MICU2: variants seen among roughly 807,000 people sequenced by gnomAD.
The protein encoded by MICU2 is calcium uptake protein 2, mitochondrial.
Under a neutral mutation model 60.4 loss-of-function variants are expected in MICU2, and 64 were observed. That is an observed-to-expected ratio of 1.06 (90% CI 0.87 to 1.31). The LOEUF is 1.31. MICU2 is among the 50% of genes most tolerant of loss of function. The probability of loss-of-function intolerance (pLI) is 0.00; values close to 1 mark genes in which losing one functional copy is unlikely to be tolerated. For missense variants in MICU2, 569 were observed against 531.0 expected (o/e 1.07, Z -0.70); for synonymous variants, 201 against 175.0 (o/e 1.15, Z -1.17).
chr13:21,545,026 T>C (rs934993327), intron 2 of MICU2, among the ~76,000 whole-genome samples: 2 of 152,012 alleles, frequency 1.3e-5, no homozygotes, highest in African/African-American at 4.8e-5. Context: ...AGTATGAAGT[T>C]CCTCACAAAA....
intron 1 of MICU2, among the ~76,000 whole-genome samples, chr13:21,597,788 G>A (rs1220267614): frequency 1.3e-5 from 2 of 151,774 alleles, no homozygotes; most frequent in African/African-American, 2.4e-5. Flanking sequence ...AAAATTAGCC[G>A]GGCGTCATGG....
rs1886706029 is a variant in MICU2 at position 21,521,112 on chromosome 13, G to C, written c.597+133C>G. The C allele has an allele frequency of 8.2e-6, 6 of 730,362 alleles. 1 individual carries two copies. The allele number at this position is 730,362 out of a possible 1,614,324, so 45.2% of individuals were successfully genotyped here. The stretch of plus-strand genomic sequence containing the variant: ...GTATTATAGAAAATTTAATATTTTT[G>C]AATGTCCAAATAATTTCCTGATAGT... On this transcript the variant is annotated intron_variant, in intron 6 of 11. Coordinates refer to ENST00000382374, the MANE Select transcript of MICU2 (RefSeq NM_152726.3).
rs180881827 is a variant in MICU2 at position 21,538,571 on chromosome 13, A to G, written c.466+731T>C. On this transcript the variant is annotated intron_variant, in intron 4 of 11. Coordinates refer to ENST00000382374, the MANE Select transcript of MICU2 (RefSeq NM_152726.3). ...GAGCAAGACCCTGTCTCAAAAAAAA[A>G]AAAAAAAAACCCCAAACAACCCACA... Among the ~76,000 whole-genome samples the G allele has an allele frequency of 3.2e-3, 480 of 151,226 alleles. 4 individuals carry two copies. The highest frequency in any genetic ancestry group is 0.011 in the African/African-American group (465 of 41,330).
rs949939020 is a variant in MICU2, at chr13:21,538,778, G to A, written c.466+524C>T. ...AGCATTCTTGGATTTTGGTATCCAA[G>A]GGGGGTCCTGGAATCAATACCCCAT... On this transcript the variant is annotated intron_variant, in intron 4 of 11. Transcript: ENST00000382374. Among the ~76,000 whole-genome samples the A allele has an allele frequency of 7.9e-5, 12 of 152,114 alleles. No individual in the cohort carries two copies. The East Asian group carries it at 2.3e-3, about 29-fold the overall frequency.
At chr13:21,535,220 A>T (rs962480521) in intron 4 of MICU2, among the ~76,000 whole-genome samples, 2 of 152,164 alleles carry the variant, frequency 1.3e-5, no homozygotes, top group Admixed American at 6.5e-5. Context: ...CATTATATTT[A>T]TGTAGAGTTT....
In MICU2 at chr13:21,600,251, T is replaced by C. The variant is rs114067084; in HGVS notation, c.210+3688A>G. ...CACACCCAATTTTGAACCCCATCTTTTGCAGCTCTTACTCTGCTGAGTCCA... is the reference window on the plus strand; with the variant it reads ...CACACCCAATTTTGAACCCCATCTTCTGCAGCTCTTACTCTGCTGAGTCCA... On this transcript the variant is annotated intron_variant, in intron 1 of 11. Transcript: ENST00000382374. 2.4e-3 allele frequency among the ~76,000 whole-genome samples: 363 copies of C among 152,302 alleles called. 3 individuals are homozygous for C. Among genetic ancestry groups the C allele is most frequent in the African/African-American group, 7.9e-3 (330 of 41,560 alleles).
intron 1 of MICU2, among the ~76,000 whole-genome samples, chr13:21,582,257 GCTTT>G (rs1298447531): frequency 3.3e-5 from 5 of 152,028 alleles, no homozygotes; most frequent in African/African-American, 1.2e-4. Flanking sequence ...GCACTAAATA[GCTTT>G]ATTTCTATAA....
chr13:21,572,843 A>G (rs568667037), intron 1 of MICU2, among the ~76,000 whole-genome samples: 2 of 152,330 alleles, frequency 1.3e-5, no homozygotes, highest in African/African-American at 4.8e-5. Flanking sequence ...CCAGGTCTAT[A>G]CATGGTGATG....
chr13:21,588,419 T>G (rs967468239), intron 1 of MICU2, among the ~76,000 whole-genome samples: 8 of 152,130 alleles, frequency 5.3e-5, no homozygotes, highest in African/African-American at 1.9e-4. Flanking sequence ...CAGCCTCAAG[T>G]AATAAGTCAT....
At chr13:21,600,426 C>T (rs543943498) in intron 1 of MICU2, among the ~76,000 whole-genome samples, 2 of 152,284 alleles carry the variant, frequency 1.3e-5, no homozygotes, top group Admixed American at 6.5e-5. Flanking sequence ...TACTCTTCCA[C>T]TATGCTTCCA....
At chr13:21,529,895 T>C (rs1886945385) in intron 4 of MICU2, among the ~76,000 whole-genome samples, 1 of 152,096 alleles carries the variant, frequency 6.6e-6, no homozygotes, top group Admixed American at 6.5e-5. Flanking sequence ...GTTGGAGGGA[T>C]GGAGAAGGGG....
Position 21,514,391 on chromosome 13 carries a change from C to G in MICU2, c.625G>C (p.Asp209His), listed in dbSNP as rs1374801261. ...TCATTAGTTTTCACTGTCATCAAGT[C>G]ATCTTGTTTACTTATGATCTTCTGC... The part of the protein sequence containing the change: ...KLQKIISKQD[D>H]LMTVKTNETG... Residue 209 changes from aspartate to histidine, a missense_variant, in exon 7 of 12, where the codon GAC (aspartate) becomes CAC (histidine). Coordinates refer to ENST00000382374, the MANE Select transcript of MICU2 (RefSeq NM_152726.3). 6.2e-7 allele frequency: 1 copy of G among 1,613,404 alleles called. No homozygotes were observed. Among genetic ancestry groups the G allele is most frequent in the East Asian group, 2.2e-5 (1 of 44,802 alleles).
chr13:21,592,684 A>C (rs1223961790), intron 1 of MICU2, among the ~76,000 whole-genome samples: 2 of 152,236 alleles, frequency 1.3e-5, no homozygotes, highest in Admixed American at 1.3e-4. Context: ...AGTCGGTTTC[A>C]TCCCTGGGAT....
In MICU2 at chr13:21,567,716, C is replaced by A. The variant is rs188119924; in HGVS notation, c.211-772G>T. On this transcript the variant is annotated intron_variant, in intron 1 of 11. Transcript: ENST00000382374. ...AGAGTGCTGAAATCTTTACAAAGAA[C>A]TTTTTGTTGAGCATTTCTATGTATT... Among the ~76,000 whole-genome samples the A allele has an allele frequency of 4.7e-3, 714 of 152,196 alleles. 7 individuals are homozygous for A. The highest frequency in any genetic ancestry group is 2.6e-3 in the Non-Finnish European group (179 of 68,014).
In MICU2 at chr13:21,603,817, C is replaced by T. The variant is rs986649234; in HGVS notation, c.210+122G>A. Reference sequence around the variant, plus strand: ...CCCACCAGTCGCAGGGCGCTCCGATCCGCAGCGGCACCTCCACCCACGGCT... The same window carrying T: ...CCCACCAGTCGCAGGGCGCTCCGATTCGCAGCGGCACCTCCACCCACGGCT... On this transcript the variant is annotated intron_variant, in intron 1 of 11. Coordinates refer to ENST00000382374, the MANE Select transcript of MICU2 (RefSeq NM_152726.3). 4 of 1,122,824 alleles carry T rather than the reference C, an allele frequency of 3.6e-6. No homozygotes were observed. In the African/African-American group the frequency reaches 4.9e-5, roughly 14 times the overall value. The allele number at this position is 1,122,824 out of a possible 1,614,324, so 69.6% of individuals were successfully genotyped here.
intron 7 of MICU2, 128 bp from the exon 8 acceptor site, chr13:21,510,229 T>TTGTAAA (rs1886394076): frequency 2.3e-6 from 1 of 439,246 alleles, no homozygotes; most frequent in African/African-American, 2.1e-5. Flanking sequence ...ACAACAAAAG[T>TTGTAAA]TGTAAAAGAG....
At position 21,505,197 on chromosome 13, in the gene MICU2, G is replaced by C. The variant is rs192936761; in HGVS notation, c.762-2100C>G. Among the ~76,000 whole-genome samples the C allele has an allele frequency of 3.5e-4, 53 of 152,020 alleles. No individual in the cohort carries two copies. The East Asian group carries it at 9.7e-3, about 28-fold the overall frequency. On this transcript the variant is annotated intron_variant, in intron 8 of 11. Coordinates refer to ENST00000382374, the MANE Select transcript of MICU2 (RefSeq NM_152726.3). ...TGTGTCAGAATAGAAATAAACTCAG[G>C]GATTATTTCTGGTCACTATCTTTAA... is the stretch of plus-strand genomic sequence containing the variant.
chr13:21,571,522 C>G (rs975847335), intron 1 of MICU2, among the ~76,000 whole-genome samples: 12 of 152,112 alleles, frequency 7.9e-5, no homozygotes, highest in African/African-American at 2.9e-4. Context: ...ACAGTGAAAC[C>G]CCGTCTCTAC....
intron 8 of MICU2, 56 bp from the exon 9 acceptor site, chr13:21,503,153 T>C: frequency 1.5e-6 from 2 of 1,340,564 alleles, no homozygotes; most frequent in Non-Finnish European, 2.1e-6. Flanking sequence ...ACCTTAAATA[T>C]TGTAAATGGG....
Sources: allele counts gnomAD v4.1 joint callset (sites outside exome capture counted in the v4.1 genomes callset), GRCh38; gene constraint gnomAD v4.1.1; transcripts MANE v1.5; gene names NCBI Gene and HGNC (gene_info 2026-07-23, HGNC 2026-07-21).